RAD51AP2: variants seen among roughly 807,000 people sequenced by gnomAD.
The protein encoded by RAD51AP2 is RAD51-associated protein 2.
RAD51AP2 carries 67 observed loss-of-function variants against 85.5 expected under a neutral mutation model. The observed-to-expected ratio is 0.78, with a 90% CI of 0.64 to 0.96. RAD51AP2 has a LOEUF of 0.96. RAD51AP2 is among the 40% of genes least tolerant of loss of function. The pLI is 0.00. For missense variants in RAD51AP2, 1,307 were observed against 1,332.4 expected, an observed-to-expected ratio of 0.98 and a Z score of 0.30; for synonymous variants, 474 against 446.5, an observed-to-expected ratio of 1.06 and a Z score of -0.78.
In RAD51AP2 at chr2:17,516,052, A is replaced by T; in HGVS notation, c.2364T>A (p.Asn788Lys). The change falls in exon 1 of 3, where the codon AAT becomes AAA. Residue 788 changes from asparagine (N) to lysine (K), a missense_variant. By Grantham distance (94) the Asn-to-Lys change is moderately conservative. Transcript: ENST00000399080. ...TTGCTGGTATGGCCTGTTGCCTAAC[A>T]TTGCAGAGATCTTCAAATATGTGCT... ...DCEHIFEDLC[N>K]VRQQAIPASH... 6.2e-7 allele frequency: 1 copy of T among 1,613,806 alleles called. No homozygotes were observed. The highest frequency in any genetic ancestry group is 8.5e-7 in the Non-Finnish European group (1 of 1,179,814).
upstream of RAD51AP2, among the ~76,000 whole-genome samples, chr2:17,521,120 AG>A (rs1662846846): frequency 1.3e-5 from 2 of 152,108 alleles, no homozygotes; most frequent in Non-Finnish European, 2.9e-5. Flanking sequence ...TAAGTACCTC[AG>A]TTAATTAGAA....
At chr2:17,525,370 G>A in the RAD51AP2 span, among the ~76,000 whole-genome samples, 19 of 151,866 alleles carry the variant, frequency 1.3e-4, no homozygotes, top group Non-Finnish European at 1.9e-4. Flanking sequence ...TATTTGAAGG[G>A]GTCTAGCAGA....
chr2:17,513,710 T>C (rs541014461), intron 2 of RAD51AP2, among the ~76,000 whole-genome samples: 2 of 152,314 alleles, frequency 1.3e-5, no homozygotes, highest in African/African-American at 4.8e-5. Flanking sequence ...ATTACACATC[T>C]CTATTAGATG....
At chr2:17,519,062 A>G (rs1662797260), upstream of RAD51AP2, among the ~76,000 whole-genome samples, 1 of 152,214 alleles carries the variant, frequency 6.6e-6, no homozygotes, top group Admixed American at 6.5e-5. Context: ...ATGTGTGGAA[A>G]TTATTATCCG....
At position 17,513,237 on chromosome 2, in the gene RAD51AP2, C is replaced by CTTTTTTTTTTTTTTTTTTTTTTTTTT. The variant is rs11394351; in HGVS notation, c.3328+774_3328+775insAAAAAAAAAAAAAAAAAAAAAAAAAA. On this transcript the variant is annotated intron_variant, in intron 2 of 2. Transcript: ENST00000399080. ...TTGTTTAATTTTTCTTTAGTGTGTG[C>CTTTTTTTTTTTTTTTTTTTTTTTTTT]TTTTTTTTTTTTTTTTTTTTGACAG... Among the ~76,000 whole-genome samples the CTTTTTTTTTTTTTTTTTTTTTTTTTT allele has an allele frequency of 3.6e-5, 4 of 111,214 alleles. 1 individual carries two copies. Among genetic ancestry groups the CTTTTTTTTTTTTTTTTTTTTTTTTTT allele is most frequent in the Non-Finnish European group, 7.1e-5 (4 of 56,240 alleles). 73.0% of individuals were successfully genotyped at this position (111,214 alleles called of 152,430 possible). A position where few individuals can be genotyped will look rare whatever the true frequency, so the allele number is the denominator to read the frequency against.
In RAD51AP2 at chr2:17,518,433, A is replaced by G. The variant is rs1572300795; in HGVS notation, c.-18T>C. On this transcript the variant is annotated 5_prime_UTR_variant, in exon 1 of 3. Transcript: ENST00000399080. Reference sequence around the variant, plus strand: ...AGAGACATGACAGCGAATGGAAAGGATCTGTCCGAGTCCCGGCGGGGCTCC... The same window carrying G: ...AGAGACATGACAGCGAATGGAAAGGGTCTGTCCGAGTCCCGGCGGGGCTCC... 6.2e-7 allele frequency: 1 copy of G among 1,602,886 alleles called. No individual in the cohort carries two copies. The highest frequency in any genetic ancestry group is 1.3e-5 in the African/African-American group (1 of 74,596).
chr2:17,516,626 A>C lies in RAD51AP2; in HGVS notation c.1790T>G (p.Ile597Ser). The C allele has an allele frequency of 6.4e-7, 1 of 1,574,464 alleles. No individual in the cohort carries two copies. The highest frequency in any genetic ancestry group is 1.2e-5 in the South Asian group (1 of 84,028). ...LLNNFDSLTR[I>S]ENDFELEEEC... ...CTCTTCTAATTCAAAATCATTTTCAATTCTTGTTAAAGAGTCAAAGTTATT... is the reference window on the plus strand; with the variant it reads ...CTCTTCTAATTCAAAATCATTTTCACTTCTTGTTAAAGAGTCAAAGTTATT... Residue 597 changes from isoleucine to serine, a missense_variant, in exon 1 of 3, where the codon ATT (isoleucine) becomes AGT (serine). By Grantham distance (142) the Ile-to-Ser change is moderately radical. Transcript: ENST00000399080.
At chr2:17,521,748 T>C (rs1470078194), upstream of RAD51AP2, among the ~76,000 whole-genome samples, 1 of 152,082 alleles carries the variant, frequency 6.6e-6, no homozygotes, top group Non-Finnish European at 1.5e-5. Flanking sequence ...TTAAATGTGA[T>C]AACATATGTG....
chr2:17,517,382 A>G lies in RAD51AP2; in HGVS notation c.1034T>C (p.Leu345Ser). Residue 345 changes from leucine (L) to serine (S), a missense_variant, in exon 1 of 3, where the codon TTG becomes TCG. Leu to Ser is a moderately radical substitution (Grantham distance 145). Coordinates refer to ENST00000399080, the MANE Select transcript of RAD51AP2 (RefSeq NM_001099218.3). ...GCAGTTACAGTAGTTTGAACTGATCAAGTCTTTTCTCTTACAAGTATTTTG... is the reference window on the plus strand; with the variant it reads ...GCAGTTACAGTAGTTTGAACTGATCGAGTCTTTTCTCTTACAAGTATTTTG... ...SSQNTCKRKD[L>S]ISSNYCNCSS... is the part of the protein sequence containing the mutation. 6.2e-7 allele frequency: 1 copy of G among 1,613,738 alleles called. No homozygotes were observed. Among genetic ancestry groups the G allele is most frequent in the Non-Finnish European group, 8.5e-7 (1 of 1,179,868 alleles).
At position 17,516,825 on chromosome 2, in the gene RAD51AP2, T is replaced by C. The variant is rs1464243187; in HGVS notation, c.1591A>G (p.Thr531Ala). ...TTACACTTCAAAATGTTACAGCAGGTTAAAATACTATTATCTTTTTTATTT... is the reference window on the plus strand; with the variant it reads ...TTACACTTCAAAATGTTACAGCAGGCTAAAATACTATTATCTTTTTTATTT... ...SGNKKDNSIL[T>A]CCNILKCKKQ... Residue 531 changes from threonine to alanine, a missense_variant, in exon 1 of 3, where the codon ACC (threonine) becomes GCC (alanine). Physicochemically the swap from Thr to Ala is moderately conservative, Grantham distance 58 (BLOSUM62 0). Coordinates refer to ENST00000399080, the MANE Select transcript of RAD51AP2 (RefSeq NM_001099218.3). 2 of 1,547,470 alleles carry C rather than the reference T, an allele frequency of 1.3e-6. No homozygotes were observed. The highest frequency in any genetic ancestry group is 1.7e-4 in the Middle Eastern group (1 of 5,734).
intron 2 of RAD51AP2, among the ~76,000 whole-genome samples, chr2:17,511,822 A>G (rs1040322562): frequency 3.9e-5 from 6 of 152,248 alleles, no homozygotes; most frequent in African/African-American, 1.4e-4. Flanking sequence ...AGCTACATGT[A>G]TAATAAACAG....
rs1335835252 is a variant in RAD51AP2 at position 17,517,041 on chromosome 2, A to G, written c.1375T>C (p.Ser459Pro). Residue 459 changes from serine (S) to proline (P), a missense_variant, in exon 1 of 3, where the codon TCA becomes CCA. By Grantham distance (74) the Ser-to-Pro change is moderately conservative. Coordinates refer to ENST00000399080, the MANE Select transcript of RAD51AP2 (RefSeq NM_001099218.3). Reference protein sequence around the residue: ...AKVINAYEEQSKLLVREILGS... With the variant: ...AKVINAYEEQPKLLVREILGS... ...AATATTTCTCTTACGAGAAGCTTTGATTGTTCTTCATATGCATTGATGACT... is the reference window on the plus strand; with the variant it reads ...AATATTTCTCTTACGAGAAGCTTTGGTTGTTCTTCATATGCATTGATGACT... 4 of 1,608,834 alleles carry G rather than the reference A, an allele frequency of 2.5e-6. No homozygotes were observed. Among genetic ancestry groups the G allele is most frequent in the Non-Finnish European group, 3.4e-6 (4 of 1,178,568 alleles).
Position 17,515,743 on chromosome 2 carries a change from A to C in RAD51AP2, c.2673T>G (p.Val891=). Residue 891 remains valine (V), a synonymous_variant, in exon 1 of 3, where the codon GTT becomes GTG. Coordinates refer to ENST00000399080, the MANE Select transcript of RAD51AP2 (RefSeq NM_001099218.3). ...KEVNVEENKY[V]NQNYVTNTNE... ...TTGTATTTGTTACATAATTTTGATTAACATATTTATTTTCTTCCACATTTA... is the reference window on the plus strand; with the variant it reads ...TTGTATTTGTTACATAATTTTGATTCACATATTTATTTTCTTCCACATTTA... The C allele has an allele frequency of 6.3e-7, 1 of 1,597,008 alleles. No individual in the cohort carries two copies. The highest frequency in any genetic ancestry group is 8.5e-7 in the Non-Finnish European group (1 of 1,171,472).
the RAD51AP2 span, among the ~76,000 whole-genome samples, chr2:17,531,706 C>A: frequency 6.6e-6 from 1 of 152,098 alleles, no homozygotes; most frequent in African/African-American, 2.4e-5. Context: ...TTTCCATGAG[C>A]AACAATAATG....
chr2:17,535,966 T>C, the RAD51AP2 span, among the ~76,000 whole-genome samples: 1 of 137,768 alleles, frequency 7.3e-6, no homozygotes, highest in South Asian at 2.4e-4. Context: ...AAAAGAGGGA[T>C]CCCACTGTTT....
chr2:17,537,796 A>G, the RAD51AP2 span, among the ~76,000 whole-genome samples: 1 of 152,180 alleles, frequency 6.6e-6, no homozygotes, highest in South Asian at 2.1e-4. Flanking sequence ...GAATCTGGGA[A>G]GAAATAAGGT....
upstream of RAD51AP2, among the ~76,000 whole-genome samples, chr2:17,522,617 C>T (rs559781764): frequency 6.6e-6 from 1 of 151,912 alleles, no homozygotes; most frequent in South Asian, 2.1e-4. Context: ...AATTTAAGAA[C>T]CCTGTCGCTG....
chr2:17,523,147 A>ATCT (rs1662893184), upstream of RAD51AP2, among the ~76,000 whole-genome samples: 1 of 151,920 alleles, frequency 6.6e-6, no homozygotes, highest in East Asian at 1.9e-4. Context: ...TTGCTGGGTA[A>ATCT]AGTAAATGAA....
the RAD51AP2 span, among the ~76,000 whole-genome samples, chr2:17,528,185 T>C: frequency 6.6e-6 from 1 of 152,214 alleles, no homozygotes; most frequent in Admixed American, 6.5e-5. Flanking sequence ...TAATGTAGTC[T>C]CATTTTGACT....
Sources: gnomAD v4.1 joint callset for allele counts (sites outside exome capture counted in the v4.1 genomes callset) on GRCh38, gnomAD v4.1.1 for gene constraint, MANE v1.5 for transcripts, NCBI Gene and HGNC (gene_info 2026-07-23, HGNC 2026-07-21) for gene names.